The following MTOR variants were observed in gnomAD, a reference collection of about 807,000 sequenced individuals.
MTOR encodes the protein serine/threonine-protein kinase mTOR.
MTOR carries 70 observed loss-of-function variants against 319.8 expected under a neutral mutation model. The observed-to-expected ratio is 0.22, with a 90% CI of 0.18 to 0.27. The LOEUF (loss-of-function observed/expected upper bound fraction) is 0.27, where lower values mean the gene tolerates loss of function less well. Ranked by LOEUF, MTOR falls within the 10% of genes least tolerant of loss-of-function variation. MTOR has a pLI of 1.00. For synonymous variants in MTOR, 1,183 were observed against 1,211.4 expected (o/e 0.98, Z 0.49); for missense variants, 1,890 against 3,274.4 (o/e 0.58, Z 10.32).
At chr1:11,216,826 ATACT>A (rs1557434249) in intron 19 of MTOR, among the ~76,000 whole-genome samples, 1 of 152,130 alleles carries the variant, frequency 6.6e-6, no homozygotes, top group African/African-American at 2.4e-5. Context: ...GGAGATAATA[ATACT>A]TACCTCATAG....
At chr1:11,144,542 G>T in intron 34 of MTOR, 106 bp downstream of exon 34, 1 of 824,626 alleles carries the variant, frequency 1.2e-6, no homozygotes, top group Non-Finnish European at 2.0e-6. Context: ...GGTGGAGGAG[G>T]CAGGAAAAGC....
chr1:11,183,397 A>G (rs1205044547), intron 28 of MTOR, among the ~76,000 whole-genome samples: 2 of 152,094 alleles, frequency 1.3e-5, no homozygotes, highest in African/African-American at 4.8e-5. Flanking sequence ...CCTCCCGAGT[A>G]GCTCAGACTA....
chr1:11,131,206 C>T (rs1296381415), intron 38 of MTOR: 1 of 190,976 alleles, frequency 5.2e-6, no homozygotes, highest in Non-Finnish European at 1.1e-5. Context: ...AGGAGGGAAA[C>T]AAGAAGGCAG....
intron 36 of MTOR, among the ~76,000 whole-genome samples, chr1:11,137,152 TAAAA>T (rs33927011): frequency 1.4e-5 from 1 of 73,374 alleles, no homozygotes; most frequent in Non-Finnish European, 2.5e-5. Flanking sequence ...TAAATCTGAT[TAAAA>T]AAAAAAAAAA....
chr1:11,241,916 T>G (rs978109413), intron 9 of MTOR, among the ~76,000 whole-genome samples: 2 of 152,180 alleles, frequency 1.3e-5, no homozygotes, highest in African/African-American at 4.8e-5. Flanking sequence ...AAGGGGCCTT[T>G]TTTCTGAATT....
At chr1:11,251,655 C>CTTTT (rs761523542) in intron 6 of MTOR, among the ~76,000 whole-genome samples, 4 of 113,696 alleles carry the variant, frequency 3.5e-5, no homozygotes, top group African/African-American at 6.4e-5. Flanking sequence ...TAGATAGTTT[C>CTTTT]TTTTTTTTTT....
At chr1:11,162,838 T>C (rs1284797854) in intron 29 of MTOR, among the ~76,000 whole-genome samples, 1 of 152,178 alleles carries the variant, frequency 6.6e-6, no homozygotes, top group Non-Finnish European at 1.5e-5. Flanking sequence ...ACATGCCAAA[T>C]TGTAAAGACC....
rs140059447 is a variant in MTOR at position 11,234,507 on chromosome 1, C to T, written c.2209-242G>A. Among the ~76,000 whole-genome samples the T allele has an allele frequency of 2.0e-5, 3 of 152,320 alleles. No individual in the cohort carries two copies. The East Asian group carries it at 5.8e-4, about 29-fold the overall frequency. ...TGCTCCCTTTCCTTTTATCACAGCACTCCAATGTCCCATGGCCCTCTCTAA... is the reference window on the plus strand; with the variant it reads ...TGCTCCCTTTCCTTTTATCACAGCATTCCAATGTCCCATGGCCCTCTCTAA... On this transcript the variant is annotated intron_variant, in intron 13 of 57. Transcript: ENST00000361445.
chr1:11,195,411 T>C (rs1645748797), intron 28 of MTOR: 1 of 167,072 alleles, frequency 6.0e-6, no homozygotes, highest in Admixed American at 5.8e-5. Context: ...CAAATCCCTT[T>C]GCTAAAAAGA....
Position 11,238,508 on chromosome 1 carries a change from G to C in MTOR, c.1896C>G (p.Pro632=). The stretch of plus-strand genomic sequence containing the variant: ...CATGGCCACTGATGAGGTGGATGGA[G>C]GGTGTGAGCAGGCGGGAGCAGGTGC... ...AARTCSRLLT[P]SIHLISGHAH... Residue 632 remains proline (P), a synonymous_variant, in exon 12 of 58, where the codon CCC becomes CCG. Coordinates refer to ENST00000361445, the MANE Select transcript of MTOR (RefSeq NM_004958.4). The C allele has an allele frequency of 6.2e-7, 1 of 1,614,228 alleles. No individual in the cohort carries two copies. Among genetic ancestry groups the C allele is most frequent in the South Asian group, 1.1e-5 (1 of 91,086 alleles).
At chr1:11,126,983 A>C (rs1570939986) in intron 45 of MTOR, 27 bp downstream of exon 45, 1 of 1,613,504 alleles carries the variant, frequency 6.2e-7, no homozygotes, top group Non-Finnish European at 8.5e-7. Flanking sequence ...ATGACAGTTA[A>C]CCCTGCCAGG....
intron 34 of MTOR, 158 bp downstream of exon 34, chr1:11,144,490 C>A (rs893581988): frequency 5.2e-6 from 3 of 576,252 alleles, no homozygotes; most frequent in Non-Finnish European, 9.3e-6. Context: ...AGGTGAGGAG[C>A]CTTTGAGTAT....
rs995798306 is a variant in MTOR, at chr1:11,212,082, C to T, written c.3561+230G>A. On this transcript the variant is annotated intron_variant, in intron 23 of 57. Transcript: ENST00000361445. The surrounding 1 kb of genome is among the most constrained non-coding windows in gnomAD (Gnocchi z 4.1). Reference sequence around the variant, plus strand: ...TTGCTTTGCTTCATCAGGATGGAAGCTCTATGAGAGCAAGGACTTTATTCT... The same window carrying T: ...TTGCTTTGCTTCATCAGGATGGAAGTTCTATGAGAGCAAGGACTTTATTCT... 9.2e-5 allele frequency among the ~76,000 whole-genome samples: 14 copies of T among 152,182 alleles called. No individual in the cohort carries two copies. The highest frequency in any genetic ancestry group is 7.2e-4 in the Admixed American group (11 of 15,278).
rs1440257956 is a variant in MTOR at position 11,108,256 on chromosome 1, T to A, written c.7559A>T (p.Asp2520Val). 30 of 1,613,796 alleles carry A rather than the reference T, an allele frequency of 1.9e-5. No individual in the cohort carries two copies. Among genetic ancestry groups the A allele is most frequent in the Non-Finnish European group, 2.5e-5 (30 of 1,179,846 alleles). Residue 2520 changes from aspartate to valine, a missense_variant, in exon 57 of 58, where the codon GAT becomes GTT. This residue lies in a region of MTOR where 31 missense variants were observed against 82.1 expected (regional missense o/e 0.38). Transcript: ENST00000361445. Reference sequence around the variant, plus strand: ...GAGCAGCTCAACTTGCGTTGGAACATCCAAAGTGTCATCATGAGAGAAGTC... The same window carrying A: ...GAGCAGCTCAACTTGCGTTGGAACAACCAAAGTGTCATCATGAGAGAAGTC... ...GRDFSHDDTL[D>V]VPTQVELLIK...
intron 19 of MTOR, among the ~76,000 whole-genome samples, chr1:11,225,580 C>A (rs1032239665): frequency 6.6e-6 from 1 of 151,998 alleles, no homozygotes; most frequent in Non-Finnish European, 1.5e-5. Flanking sequence ...TGCCACCATG[C>A]CCGGCTAATT....
intron 23 of MTOR, among the ~76,000 whole-genome samples, chr1:11,211,499 C>T (rs1646310534): frequency 6.6e-6 from 1 of 152,182 alleles, no homozygotes; most frequent in Admixed American, 6.5e-5. Context: ...TCCTGAGTAG[C>T]TGGGACCACA....
At chr1:11,232,792 T>C (rs942673475) in intron 15 of MTOR, among the ~76,000 whole-genome samples, 3 of 152,110 alleles carry the variant, frequency 2.0e-5, no homozygotes, top group African/African-American at 7.2e-5. Context: ...CGAGAATCAC[T>C]TGAACCCAGG....
At chr1:11,220,962 C>A (rs1646641479) in intron 19 of MTOR, among the ~76,000 whole-genome samples, 1 of 151,718 alleles carries the variant, frequency 6.6e-6, no homozygotes, top group Non-Finnish European at 1.5e-5. Context: ...AGCTCTGGAA[C>A]TATGTTAATG....
intron 28 of MTOR, 57 bp from the exon 29 acceptor site, chr1:11,167,574 T>C: frequency 7.1e-7 from 1 of 1,404,360 alleles, no homozygotes; most frequent in South Asian, 1.2e-5. Flanking sequence ...GTAGGAGATG[T>C]GGGGGTCATT....
Sources: allele counts gnomAD v4.1 joint callset (sites outside exome capture counted in the v4.1 genomes callset), GRCh38; gene constraint gnomAD v4.1.1; regional missense constraint gnomAD v4.1.1; non-coding constraint Gnocchi (gnomAD v3.1); transcripts MANE v1.5; gene names NCBI Gene and HGNC (gene_info 2026-07-23, HGNC 2026-07-21).